The following SLCO2B1 variants were observed in gnomAD, a reference collection of about 807,000 sequenced individuals.
The protein encoded by SLCO2B1 is solute carrier organic anion transporter family member 2B1.
Under a neutral mutation model 67.3 loss-of-function variants are expected in SLCO2B1, and 41 were observed. The ratio of observed to expected loss-of-function variants is 0.61; its 90% CI spans 0.47 to 0.79. The LOEUF is 0.79. SLCO2B1 is among the 30% of genes least tolerant of loss of function. SLCO2B1 has a pLI of 0.00. For synonymous variants in SLCO2B1, 379 were observed against 381.4 expected, an observed-to-expected ratio of 0.99 and a Z score of 0.07; for missense variants, 837 against 920.1, an observed-to-expected ratio of 0.91 and a Z score of 1.17.
intron 7 of SLCO2B1, among the ~76,000 whole-genome samples, chr11:75,176,151 G>A (rs1950020582): frequency 6.6e-6 from 1 of 152,200 alleles, no homozygotes; most frequent in African/African-American, 2.4e-5. Context: ...TGCAGGGTCT[G>A]TGGGGTAAAG....
At chr11:75,152,921 C>T (rs1011787993) in intron 1 of SLCO2B1, among the ~76,000 whole-genome samples, 1 of 152,108 alleles carries the variant, frequency 6.6e-6, no homozygotes, top group East Asian at 1.9e-4. Context: ...GAAGAGTCCC[C>T]AAGGGAGAGG....
In SLCO2B1 at chr11:75,196,555, C is replaced by T. The variant is rs1360987245; in HGVS notation, c.1475C>T (p.Ala492Val). 8.1e-6 allele frequency: 13 copies of T among 1,613,974 alleles called. No individual in the cohort carries two copies. The highest frequency in any genetic ancestry group is 1.6e-4 in the Middle Eastern group (1 of 6,084). ...GLELSPSCME[A>V]CSCPLDGFNP... ...GAGCTGTCTCCAAGCTGCATGGAGG[C>T]CTGCTCCTGCCCATTGGACGGCTTT... The change falls in exon 10 of 14, where the codon GCC becomes GTC. Residue 492 changes from alanine to valine, a missense_variant. By Grantham distance (64) the Ala-to-Val change is moderately conservative. Transcript: ENST00000289575.
chr11:75,188,414 T>A (rs1944969433), intron 8 of SLCO2B1, among the ~76,000 whole-genome samples, 176 bp downstream of exon 8: 1 of 152,190 alleles, frequency 6.6e-6, no homozygotes, highest in Non-Finnish European at 1.5e-5. Flanking sequence ...TGGACCATCA[T>A]TTTTTATTGC....
chr11:75,181,142 G>A (rs1361860514), intron 7 of SLCO2B1, among the ~76,000 whole-genome samples: 2 of 152,124 alleles, frequency 1.3e-5, no homozygotes, highest in Admixed American at 6.5e-5. Flanking sequence ...GCTGAGGCAG[G>A]TGGATTACCT....
At chr11:75,182,583 A>C (rs1352661777) in intron 7 of SLCO2B1, among the ~76,000 whole-genome samples, 4 of 152,124 alleles carry the variant, frequency 2.6e-5, no homozygotes, top group African/African-American at 9.7e-5. Flanking sequence ...TCTCTACTAA[A>C]AATACAAAAT....
chr11:75,162,995 A>G (rs1280615763), intron 2 of SLCO2B1: 2 of 510,044 alleles, frequency 3.9e-6, no homozygotes, highest in Non-Finnish European at 7.0e-6. Flanking sequence ...CGCTCCTCCC[A>G]GAGAGGAAAG....
At chr11:75,196,736 C>A in intron 10 of SLCO2B1, 57 bp downstream of exon 10, 1 of 1,501,800 alleles carries the variant, frequency 6.7e-7, no homozygotes, top group Non-Finnish European at 9.1e-7. Context: ...TGCCCTGTCT[C>A]TGTGGGCCTG....
chr11:75,182,281 C>G (rs1011548022), intron 7 of SLCO2B1, among the ~76,000 whole-genome samples: 2 of 152,210 alleles, frequency 1.3e-5, no homozygotes, highest in African/African-American at 4.8e-5. Context: ...AGGACTGACA[C>G]AGGGAGACTA....
intron 8 of SLCO2B1, 132 bp downstream of exon 8, chr11:75,188,370 C>A: frequency 1.6e-6 from 1 of 638,708 alleles, no homozygotes; most frequent in Non-Finnish European, 2.8e-6. Context: ...CCATCTACTC[C>A]TTGTGAGTCT....
At chr11:75,156,157 G>A (rs192265288) in intron 1 of SLCO2B1, among the ~76,000 whole-genome samples, 3 of 152,256 alleles carry the variant, frequency 2.0e-5, no homozygotes, top group African/African-American at 7.2e-5. Context: ...AGATGTCTTA[G>A]GTCACATAGC....
At chr11:75,156,675 G>A (rs770409050) in intron 1 of SLCO2B1, among the ~76,000 whole-genome samples, 12 of 152,210 alleles carry the variant, frequency 7.9e-5, no homozygotes, top group Non-Finnish European at 1.3e-4. Context: ...GTGAAAGCAA[G>A]TTTATTAGGA....
At chr11:75,173,733 C>T (rs1949992451) in intron 7 of SLCO2B1, among the ~76,000 whole-genome samples, 1 of 151,850 alleles carries the variant, frequency 6.6e-6, no homozygotes, top group Non-Finnish European at 1.5e-5. Flanking sequence ...CAGATACCCA[C>T]AAAAACACGA....
At chr11:75,189,509 C>T (rs1034227268) in intron 8 of SLCO2B1, among the ~76,000 whole-genome samples, 3 of 152,128 alleles carry the variant, frequency 2.0e-5, no homozygotes, top group Non-Finnish European at 2.9e-5. Context: ...CTTGTTCCAC[C>T]GTTATTCTGA....
intron 9 of SLCO2B1, among the ~76,000 whole-genome samples, chr11:75,194,568 T>A (rs1294840923): frequency 6.6e-6 from 1 of 151,790 alleles, no homozygotes; most frequent in East Asian, 1.9e-4. Flanking sequence ...CCTCCCCCTT[T>A]CATTCTCTGC....
At chr11:75,151,431 G>A in intron 1 of SLCO2B1, 34 bp downstream of exon 1, 1 of 1,612,460 alleles carries the variant, frequency 6.2e-7, no homozygotes, top group East Asian at 2.2e-5. Context: ...GGGCCATGGA[G>A]AGCAAGCCTG....
At chr11:75,203,232 G>C in intron 12 of SLCO2B1, 75 bp from the exon 13 acceptor site, 1 of 1,567,064 alleles carries the variant, frequency 6.4e-7, no homozygotes, top group Non-Finnish European at 8.6e-7. Flanking sequence ...GAGCCCCTGA[G>C]GGGTTGTACA....
Position 75,197,694 on chromosome 11 carries a change from GA to G in SLCO2B1, c.1599+1017del, listed in dbSNP as rs578165825. Among the ~76,000 whole-genome samples, 160 of 152,290 alleles carry G rather than the reference GA, an allele frequency of 1.1e-3. 2 individuals are homozygous for G. The highest frequency in any genetic ancestry group is 3.7e-3 in the African/African-American group (155 of 41,550). ...TGAGCAGAGTACAGGATAGGACACA[GA>G]AGGCTAGCGAGCATTCAGTCAGTCA... is the stretch of plus-strand genomic sequence containing the variant. On this transcript the variant is annotated intron_variant, in intron 10 of 13. Coordinates refer to ENST00000289575, the MANE Select transcript of SLCO2B1 (RefSeq NM_007256.5).
chr11:75,169,289 G>T lies in SLCO2B1; in HGVS notation c.565G>T (p.Val189Leu). The T allele has an allele frequency of 6.2e-7, 1 of 1,614,186 alleles. No homozygotes were observed. The highest frequency in any genetic ancestry group is 1.7e-5 in the Admixed American group (1 of 60,028). The change falls in exon 5 of 14, where the codon GTG becomes TTG. Residue 189 changes from valine to leucine, a missense_variant. By Grantham distance (32) the Val-to-Leu change is conservative (BLOSUM62 1). Coordinates refer to ENST00000289575, the MANE Select transcript of SLCO2B1 (RefSeq NM_007256.5). ...SYTETQHLSV[V>L]GIMFVAQTLL... ...CACAGAAACCCAGCATCTGAGTGTG[G>T]TGGGGATCATGTTCGTGGCACAGAC...
intron 7 of SLCO2B1, among the ~76,000 whole-genome samples, chr11:75,187,633 G>A (rs1401850450): frequency 2.0e-5 from 3 of 152,222 alleles, no homozygotes; most frequent in Non-Finnish European, 4.4e-5. Context: ...CATGGTGGTA[G>A]TGATTCTGAA....
Sources: allele counts gnomAD v4.1 joint callset (sites outside exome capture counted in the v4.1 genomes callset), GRCh38; gene constraint gnomAD v4.1.1; transcripts MANE v1.5; gene names NCBI Gene and HGNC (gene_info 2026-07-23, HGNC 2026-07-21).